Variants in VPS53 observed in about 807,000 individuals in gnomAD.
VPS53 encodes the protein VPS53 subunit of GARP complex.
VPS53 carries 70 observed loss-of-function variants against 107.0 expected under a neutral mutation model. That is an observed-to-expected ratio of 0.65 (90% CI 0.54 to 0.80). The LOEUF is 0.80. Ranked by LOEUF, VPS53 falls within the 30% of genes least tolerant of loss-of-function variation. The pLI is 0.00. For missense variants in VPS53, 917 were observed against 1,049.4 expected (o/e 0.87, Z 1.74); for synonymous variants, 409 against 393.3 (o/e 1.04, Z -0.47).
chr17:618,244 G>C (rs1969241906), intron 11 of VPS53, among the ~76,000 whole-genome samples: 1 of 87,454 alleles, frequency 1.1e-5, no homozygotes, highest in Non-Finnish European at 2.8e-5. Flanking sequence ...TGGGACTACA[G>C]GCGTGCACCA....
At position 565,986 on chromosome 17, in the gene VPS53, G is replaced by A. The variant is rs572973437; in HGVS notation, c.1314-3241C>T. Among the ~76,000 whole-genome samples the A allele has an allele frequency of 4.6e-5, 7 of 152,078 alleles. No individual in the cohort carries two copies. In the East Asian group the frequency reaches 1.4e-3, roughly 29 times the overall value. On this transcript the variant is annotated intron_variant, in intron 13 of 21. Coordinates refer to ENST00000437048, the MANE Select transcript of VPS53 (RefSeq NM_001128159.3). ...TGGGAGGCCGAGGCGGGCGGATCAC[G>A]AGGTCAGGAGATCGAGACCATCCCG...
chr17:574,321 C>T (rs1323824421), intron 13 of VPS53, among the ~76,000 whole-genome samples: 1 of 152,098 alleles, frequency 6.6e-6, no homozygotes, highest in Non-Finnish European at 1.5e-5. Flanking sequence ...TGGCTCCTTG[C>T]CCAAAGTATC....
At chr17:606,139 A>G (rs907824495) in intron 11 of VPS53, among the ~76,000 whole-genome samples, 1 of 152,066 alleles carries the variant, frequency 6.6e-6, no homozygotes, top group Non-Finnish European at 1.5e-5. Flanking sequence ...GATTTGGGGC[A>G]CAGTTAGGAG....
intron 4 of VPS53, among the ~76,000 whole-genome samples, chr17:692,207 C>A (rs1472540218): frequency 6.6e-6 from 1 of 152,162 alleles, no homozygotes; most frequent in Non-Finnish European, 1.5e-5. Context: ...CCCCTCTATT[C>A]ACCTCTCTTT....
chr17:610,082 G>T (rs2143012380), intron 11 of VPS53, among the ~76,000 whole-genome samples: 1 of 151,660 alleles, frequency 6.6e-6, no homozygotes, highest in East Asian at 1.9e-4. Context: ...AGTGAGCCGA[G>T]ATCGCGCCAC....
In VPS53 at chr17:512,042, G is replaced by A. The variant is rs1184251713; in HGVS notation, c.*7086C>T. 6.6e-6 allele frequency: 1 copy of A among 152,264 alleles called. No homozygotes were observed. Among genetic ancestry groups the A allele is most frequent in the African/African-American group, 2.4e-5 (1 of 41,466 alleles). The allele number at this position is 152,264 out of a possible 1,614,324, so 9.4% of individuals were successfully genotyped here. A position where few individuals can be genotyped will look rare whatever the true frequency, so the allele number is the denominator to read the frequency against. On this transcript the variant is annotated 3_prime_UTR_variant, in exon 22 of 22. Transcript: ENST00000437048. ...ACGGAAGCAGCAGCTGCCAGGGGAA[G>A]GGGATACTGCTCAGTCTTTTAAAAC...
At position 521,788 on chromosome 17, in the gene VPS53, C is replaced by A. The variant is rs1009837937; in HGVS notation, c.2086-50G>T. 25 of 1,417,342 alleles carry A rather than the reference C, an allele frequency of 1.8e-5. No homozygotes were observed. In the East Asian group the frequency reaches 5.7e-4, roughly 32 times the overall value. The allele number at this position is 1,417,342 out of a possible 1,614,324, so 87.8% of individuals were successfully genotyped here. ...ACCGGCCCCTTCCAGCGACCCAGTG[C>A]CGAGTGGACTCATGCCGATGAGTCA... On this transcript the variant is annotated intron_variant, in intron 19 of 21. Coordinates refer to ENST00000437048, the MANE Select transcript of VPS53 (RefSeq NM_001128159.3).
intron 19 of VPS53, among the ~76,000 whole-genome samples, chr17:529,416 A>T (rs1909364026): frequency 6.6e-6 from 1 of 151,916 alleles, no homozygotes; most frequent in African/African-American, 2.4e-5. Flanking sequence ...ACACACACAC[A>T]CACACACCCC....
At chr17:683,590 TG>T (rs760653781) in intron 4 of VPS53, among the ~76,000 whole-genome samples, 62 of 152,346 alleles carry the variant, frequency 4.1e-4, no homozygotes, top group African/African-American at 1.4e-3. Context: ...ATGAGATCTA[TG>T]TGAGGTGACA....
intron 13 of VPS53, among the ~76,000 whole-genome samples, chr17:582,950 C>T (rs1271642073): frequency 6.6e-6 from 1 of 151,124 alleles, no homozygotes; most frequent in African/African-American, 2.4e-5. Flanking sequence ...CAGAGAACCT[C>T]CCTTAGAACC....
chr17:573,304 T>G (rs556514379), intron 13 of VPS53, among the ~76,000 whole-genome samples: 9 of 152,288 alleles, frequency 5.9e-5, no homozygotes, highest in African/African-American at 2.2e-4. Context: ...TCTTTGAACA[T>G]AAATAAAAAT....
chr17:675,837 T>G (rs1016054686), intron 4 of VPS53, among the ~76,000 whole-genome samples: 3 of 149,634 alleles, frequency 2.0e-5, no homozygotes, highest in Non-Finnish European at 3.0e-5. Context: ...CCCCTCCAAA[T>G]TGGGGGTCAT....
At chr17:540,353 A>C (rs901016731) in intron 17 of VPS53, 1 of 151,966 alleles carries the variant, frequency 6.6e-6, no homozygotes, top group Non-Finnish European at 1.5e-5. Context: ...TCAGCTAATT[A>C]AAAAAATATA....
At chr17:659,790 C>T (rs1162857571) in intron 5 of VPS53, among the ~76,000 whole-genome samples, 1 of 152,204 alleles carries the variant, frequency 6.6e-6, no homozygotes, top group African/African-American at 2.4e-5. Flanking sequence ...CATCTCAAGA[C>T]TCTATCCCTT....
At chr17:665,551 G>A (rs1027974692) in intron 4 of VPS53, among the ~76,000 whole-genome samples, 1 of 152,352 alleles carries the variant, frequency 6.6e-6, no homozygotes, top group East Asian at 1.9e-4. Flanking sequence ...ATGGACAGAT[G>A]TGGAACAGTC....
At chr17:589,124 ACT>A (rs1333911674) in intron 12 of VPS53, among the ~76,000 whole-genome samples, 6 of 151,742 alleles carry the variant, frequency 4.0e-5, no homozygotes, top group Non-Finnish European at 5.9e-5. Flanking sequence ...AAATATTCAC[ACT>A]CTGCAGGATA....
At chr17:579,874 C>A (rs1966900012) in intron 13 of VPS53, among the ~76,000 whole-genome samples, 1 of 151,076 alleles carries the variant, frequency 6.6e-6, no homozygotes, top group Admixed American at 6.6e-5. Context: ...TCCCTCAGAA[C>A]CTCAGTGCAT....
At chr17:710,703 G>A in intron 1 of VPS53, 90 bp from the exon 2 acceptor site, 1 of 1,000,798 alleles carries the variant, frequency 1.0e-6, no homozygotes, top group Non-Finnish European at 1.5e-6. Context: ...GAAAGGGCCG[G>A]GCACGGTGGC....
intron 11 of VPS53, among the ~76,000 whole-genome samples, chr17:619,199 C>T (rs1489064955): frequency 7.1e-6 from 1 of 141,446 alleles, no homozygotes; most frequent in Non-Finnish European, 1.5e-5. Flanking sequence ...GCTAATATTT[C>T]CCGGGTAGCT....
Sources: allele counts gnomAD v4.1 joint callset (sites outside exome capture counted in the v4.1 genomes callset), GRCh38; gene constraint gnomAD v4.1.1; transcripts MANE v1.5; gene names NCBI Gene and HGNC (gene_info 2026-07-23, HGNC 2026-07-21).